VWF: variants seen among roughly 807,000 people sequenced by gnomAD.
VWF encodes the protein von Willebrand factor, also known as Factor VIII related antigen.
VWF carries 176 observed loss-of-function variants against 308.6 expected under a neutral mutation model. The ratio of observed to expected loss-of-function variants is 0.57; its 90% CI spans 0.50 to 0.65. The LOEUF (loss-of-function observed/expected upper bound fraction) is 0.65, where lower values mean the gene tolerates loss of function less well. VWF is among the 30% of genes least tolerant of loss of function. The pLI is 0.00. For missense variants in VWF, 3,146 were observed against 3,648.2 expected (o/e 0.86, Z 3.55); for synonymous variants, 1,385 against 1,443.4 (o/e 0.96, Z 0.92).
At chr12:5,951,226 T>C (rs1943186521) in intron 50 of VWF, among the ~76,000 whole-genome samples, 1 of 152,184 alleles carries the variant, frequency 6.6e-6, no homozygotes. Context: ...GATTTGTGTC[T>C]CGTCTCCAAA....
At chr12:6,110,331 G>T in intron 5 of VWF, 43 bp downstream of exon 5, 1 of 1,598,698 alleles carries the variant, frequency 6.3e-7, no homozygotes, top group African/African-American at 1.3e-5. Context: ...GAAATAAAAA[G>T]CATGGCCACA....
chr12:6,027,381 C>A (rs534365061), intron 22 of VWF, among the ~76,000 whole-genome samples: 1 of 152,318 alleles, frequency 6.6e-6, no homozygotes, highest in East Asian at 1.9e-4. Flanking sequence ...CTTCACAGGG[C>A]TCATCAGCCC....
At position 6,056,997 on chromosome 12, in the gene VWF, A is replaced by T; in HGVS notation, c.1805T>A (p.Leu602Gln). The change falls in exon 15 of 52, where the codon CTG becomes CAG. Residue 602 changes from leucine (L) to glutamine (Q), a missense_variant. By Grantham distance (113) the Leu-to-Gln change is moderately radical (BLOSUM62 -2). Around this residue, in one of 3 missense-constraint regions of VWF, gnomAD observed 1,304 missense variants for 1,353.0 expected, o/e 0.96. Coordinates refer to ENST00000261405, the MANE Select transcript of VWF (RefSeq NM_000552.5). ...FEACHRAVSP[L>Q]PYLRNCRYDV... is the part of the protein sequence containing the mutation. Reference sequence around the variant, plus strand: ...GTAGCGGCAGTTCCGCAGGTAGGGCAGCGGGCTGACGGCACGATGGCAGGC... The same window carrying T: ...GTAGCGGCAGTTCCGCAGGTAGGGCTGCGGGCTGACGGCACGATGGCAGGC... The T allele has an allele frequency of 6.5e-7, 1 of 1,547,306 alleles. No individual in the cohort carries two copies. Among genetic ancestry groups the T allele is most frequent in the Non-Finnish European group, 8.7e-7 (1 of 1,151,310 alleles).
At position 6,002,117 on chromosome 12, in the gene VWF, T is replaced by C. The variant is rs559166492; in HGVS notation, c.5843-5895A>G. ...AAATTCATAACAGTAAACATTTCTGTCAATAAAAATAAAACAATGAAAATG... is the reference window on the plus strand; with the variant it reads ...AAATTCATAACAGTAAACATTTCTGCCAATAAAAATAAAACAATGAAAATG... On this transcript the variant is annotated intron_variant, in intron 34 of 51. Transcript: ENST00000261405. 3.0e-3 allele frequency among the ~76,000 whole-genome samples: 461 copies of C among 151,972 alleles called. 1 individual carries two copies. The highest frequency in any genetic ancestry group is 8.5e-3 in the African/African-American group (354 of 41,464).
chr12:6,035,719 T>C (rs1260635456), intron 19 of VWF, among the ~76,000 whole-genome samples: 11 of 152,220 alleles, frequency 7.2e-5, no homozygotes, highest in Non-Finnish European at 4.4e-5. Flanking sequence ...CACTGGCAGC[T>C]TGGCCCAAAT....
At chr12:6,026,575 C>T (rs1944195238) in intron 22 of VWF, among the ~76,000 whole-genome samples, 1 of 152,224 alleles carries the variant, frequency 6.6e-6, no homozygotes, top group African/African-American at 2.4e-5. Context: ...TATGTCTCAC[C>T]TGTCTCCATG....
Position 5,976,240 on chromosome 12 carries a change from G to A in VWF, c.7308C>T (p.Thr2436=). 1 of 1,614,140 alleles carries A rather than the reference G, an allele frequency of 6.2e-7. No homozygotes were observed. Among genetic ancestry groups the A allele is most frequent in the Non-Finnish European group, 8.5e-7 (1 of 1,180,036 alleles). The change falls in exon 43 of 52, where the codon ACC becomes ACT. Residue 2436 remains threonine (T), a synonymous_variant. Coordinates refer to ENST00000261405, the MANE Select transcript of VWF (RefSeq NM_000552.5). ...LPDKVCVHRS[T]IYPVGQFWEE... is the part of the protein sequence containing the mutation. ...CCCAGAACTGGCCCACAGGGTAGAT[G>A]GTGCTTCGGTGGACACACACCTGTA...
intron 47 of VWF, among the ~76,000 whole-genome samples, chr12:5,967,264 A>C (rs1415862334): frequency 6.6e-6 from 1 of 152,272 alleles, no homozygotes. Flanking sequence ...CTGAAAACTC[A>C]GGAAGAAAAT....
chr12:5,971,843 T>C (rs901280086), intron 43 of VWF, 134 bp from the exon 44 acceptor site: 2 of 784,946 alleles, frequency 2.5e-6, no homozygotes, highest in African/African-American at 3.4e-5. Context: ...ATCTTTGTTG[T>C]CAACCAGCCT....
chr12:6,119,357 C>T lies in VWF; in HGVS notation c.220+1817G>A, dbSNP rs943050954. Among the ~76,000 whole-genome samples, 5 of 152,228 alleles carry T rather than the reference C, an allele frequency of 3.3e-5. No individual in the cohort carries two copies. In the East Asian group the frequency reaches 9.6e-4, roughly 29 times the overall value. The stretch of plus-strand genomic sequence containing the variant: ...CAGTGATCTGTTTGTCACAGCTCTC[C>T]GGGTGGTCCTGATGCAGCCTGGAGT... On this transcript the variant is annotated intron_variant, in intron 3 of 51. Transcript: ENST00000261405.
At chr12:6,069,313 C>A (rs972200976) in intron 10 of VWF, among the ~76,000 whole-genome samples, 123 of 152,266 alleles carry the variant, frequency 8.1e-4, no homozygotes, top group African/African-American at 2.7e-3. Context: ...TGAATACGGG[C>A]AGGTCTGTCC....
At chr12:6,120,649 AC>A (rs1945419268) in intron 3 of VWF, among the ~76,000 whole-genome samples, 1 of 152,078 alleles carries the variant, frequency 6.6e-6, no homozygotes, top group Non-Finnish European at 1.5e-5. Context: ...GGATCATGCA[AC>A]CTTCATGAGC....
At chr12:5,966,350 T>C (rs1256231832) in intron 47 of VWF, among the ~76,000 whole-genome samples, 1 of 152,146 alleles carries the variant, frequency 6.6e-6, no homozygotes, top group East Asian at 1.9e-4. Context: ...ACTGGGATTT[T>C]TAAAAAATAA....
chr12:6,014,442 T>C (rs1006821131), intron 31 of VWF, among the ~76,000 whole-genome samples: 3 of 152,084 alleles, frequency 2.0e-5, no homozygotes, highest in South Asian at 2.1e-4. Flanking sequence ...AGGTGAGAGA[T>C]GATGGGGACT....
At chr12:6,026,768 A>G (rs1360196527) in intron 22 of VWF, among the ~76,000 whole-genome samples, 1 of 152,228 alleles carries the variant, frequency 6.6e-6, no homozygotes, top group Non-Finnish European at 1.5e-5. Context: ...CAGACTTTGA[A>G]TGTTCCCAAC....
chr12:6,072,325 C>A lies in VWF; in HGVS notation c.1109+6G>T, dbSNP rs1363907145. The A allele has an allele frequency of 6.2e-7, 1 of 1,613,054 alleles. No individual in the cohort carries two copies. The highest frequency in any genetic ancestry group is 8.5e-7 in the Non-Finnish European group (1 of 1,179,292). ...CTCCCAGAGCACGCTGCGCAGCCCC[C>A]ATTACCAGGTGTTGCAGTCTCGAGA... On this transcript the variant is annotated splice_donor_region_variant and intron_variant, in intron 9 of 51. Transcript: ENST00000261405.
intron 18 of VWF, among the ~76,000 whole-genome samples, chr12:6,039,141 T>C (rs1336730448): frequency 6.6e-6 from 1 of 152,198 alleles, no homozygotes; most frequent in Non-Finnish European, 1.5e-5. Flanking sequence ...CGTCTAGTGT[T>C]TGTCCCTTCG....
Position 6,041,217 on chromosome 12 carries a change from G to A in VWF, c.2442+3074C>T, listed in dbSNP as rs536008698. On this transcript the variant is annotated intron_variant, in intron 18 of 51. Coordinates refer to ENST00000261405, the MANE Select transcript of VWF (RefSeq NM_000552.5). ...GACAGAGGTAGGCAGACCACCTAAG[G>A]TCAGGAGTTCGAGACCAGCCTGGCC... 7.4e-4 allele frequency among the ~76,000 whole-genome samples: 112 copies of A among 152,086 alleles called. 2 individuals are homozygous for A. The highest frequency in any genetic ancestry group is 2.7e-3 in the African/African-American group (111 of 41,544).
At chr12:5,979,685 G>C (rs1943572789) in intron 42 of VWF, among the ~76,000 whole-genome samples, 1 of 151,444 alleles carries the variant, frequency 6.6e-6, no homozygotes, top group South Asian at 2.1e-4. Context: ...GGGAGTACGA[G>C]GCTACAATCA....
Sources: allele counts gnomAD v4.1 joint callset (sites outside exome capture counted in the v4.1 genomes callset), GRCh38; gene constraint gnomAD v4.1.1; regional missense constraint gnomAD v4.1.1; transcripts MANE v1.5; gene names NCBI Gene and HGNC (gene_info 2026-07-23, HGNC 2026-07-21).